ADGRB3: variants seen among roughly 807,000 people sequenced by gnomAD.
The protein encoded by ADGRB3 is brain-specific angiogenesis inhibitor 3.
ADGRB3 carries 37 observed loss-of-function variants against 193.4 expected under a neutral mutation model. The ratio of observed to expected loss-of-function variants is 0.19; its 90% confidence interval spans 0.15 to 0.25. The LOEUF is 0.25. Among genes scored for constraint, ADGRB3 ranks in the 10% least tolerant of loss-of-function variants. The probability of loss-of-function intolerance (pLI) is 1.00; values close to 1 mark genes in which losing one functional copy is unlikely to be tolerated. For synonymous variants in ADGRB3, 690 were observed against 644.2 expected (o/e 1.07, Z -1.08); for missense variants, 1,637 against 1,852.9 (o/e 0.88, Z 2.14).
chr6:68,662,029 G>A (rs1357735355), intron 3 of ADGRB3, among the ~76,000 whole-genome samples: 1 of 151,464 alleles, frequency 6.6e-6, no homozygotes, highest in Non-Finnish European at 1.5e-5. Flanking sequence ...TTTGATGATT[G>A]TGATATTGGC....
chr6:68,972,629 G>T (rs780966979), intron 8 of ADGRB3, among the ~76,000 whole-genome samples: 1 of 149,668 alleles, frequency 6.7e-6, no homozygotes, highest in Non-Finnish European at 1.5e-5. Context: ...CTCGTAGGTG[G>T]TTGGGAGAGA....
intron 3 of ADGRB3, among the ~76,000 whole-genome samples, chr6:68,893,431 T>G (rs1166589912): frequency 1.3e-5 from 2 of 151,672 alleles, no homozygotes; most frequent in African/African-American, 2.4e-5. Flanking sequence ...TAAAAAGAAT[T>G]ATATATGAAA....
rs753511956 is a variant in ADGRB3, at chr6:69,297,410, CTA to C, written c.2815-27446_2815-27445del. 5.8e-3 allele frequency among the ~76,000 whole-genome samples: 745 copies of C among 128,178 alleles called. 1 individual carries two copies. Among genetic ancestry groups the C allele is most frequent in the Non-Finnish European group, 7.9e-3 (480 of 60,950 alleles). 84.1% of individuals were successfully genotyped at this position (128,178 alleles called of 152,430 possible). A position where few individuals can be genotyped will look rare whatever the true frequency, so the allele number is the denominator to read the frequency against. ...TCTCTCTATCTCTCTCTCTCTCTCT[CTA>C]TATATATATATATATGCTTTGAGGA... On this transcript the variant is annotated intron_variant, in intron 20 of 31. Coordinates refer to ENST00000370598, the MANE Select transcript of ADGRB3 (RefSeq NM_001704.3).
rs114532658 is a variant in ADGRB3, at chr6:68,715,560, A to T, written c.757+76128A>T. Among the ~76,000 whole-genome samples, 426 of 151,846 alleles carry T rather than the reference A, an allele frequency of 2.8e-3. 2 individuals are homozygous for T. The highest frequency in any genetic ancestry group is 9.6e-3 in the African/African-American group (398 of 41,482). ...CAAGGTTTTTCTCATTGCCTAGCTC[A>T]TTCTCCCACTAATCTTCCATGATAT... On this transcript the variant is annotated intron_variant, in intron 3 of 31. Transcript: ENST00000370598.
intron 3 of ADGRB3, among the ~76,000 whole-genome samples, chr6:68,791,052 A>C (rs1186160483): frequency 5.3e-5 from 8 of 151,296 alleles, no homozygotes; most frequent in Non-Finnish European, 4.4e-5. Flanking sequence ...CATCTCTTAA[A>C]AAAAAAAAAA....
intron 13 of ADGRB3, 48 bp downstream of exon 13, chr6:69,018,547 T>G (rs1770164496): frequency 7.7e-7 from 1 of 1,296,350 alleles, no homozygotes; most frequent in Admixed American, 1.8e-5. Context: ...TAAAAAAAAA[T>G]TGCAAGTATC....
intron 20 of ADGRB3, among the ~76,000 whole-genome samples, chr6:69,243,214 T>TA (rs958980145): frequency 6.6e-6 from 1 of 151,614 alleles, no homozygotes; most frequent in Admixed American, 6.6e-5. Flanking sequence ...TACCAGGTTA[T>TA]AAAAAAAAGC....
chr6:68,786,901 A>G (rs938802157), intron 3 of ADGRB3, among the ~76,000 whole-genome samples: 202 of 151,908 alleles, frequency 1.3e-3, no homozygotes, highest in African/African-American at 4.7e-3. Flanking sequence ...TAGGTATTTT[A>G]TTCTCTTTGA....
At chr6:68,935,819 T>C (rs1767473108) in intron 4 of ADGRB3, among the ~76,000 whole-genome samples, 1 of 152,126 alleles carries the variant, frequency 6.6e-6, no homozygotes, top group Non-Finnish European at 1.5e-5. Context: ...AGAACTCCAT[T>C]TTAAATAAAT....
At position 68,968,923 on chromosome 6, in the gene ADGRB3, C is replaced by A. The variant is rs189871613; in HGVS notation, c.1526-5840C>A. Among the ~76,000 whole-genome samples, 4 of 152,250 alleles carry A rather than the reference C, an allele frequency of 2.6e-5. No homozygotes were observed. In the East Asian group the frequency reaches 7.7e-4, roughly 29 times the overall value. On this transcript the variant is annotated intron_variant, in intron 8 of 31. Transcript: ENST00000370598. The stretch of plus-strand genomic sequence containing the variant: ...CAAATAAAATCCAAAATTCACTTCT[C>A]AATTGCACTAGCCACATTTTCCTAG...
At chr6:69,159,745 A>G (rs7766018) in intron 17 of ADGRB3, among the ~76,000 whole-genome samples, 21,798 of 152,150 alleles carry the variant, frequency 0.14, 1,605 homozygotes, top group Middle Eastern at 0.16. Context: ...ATGACTCTCC[A>G]ATTAATATCT....
chr6:69,001,550 C>G (rs2150279119), intron 11 of ADGRB3, among the ~76,000 whole-genome samples: 2 of 151,654 alleles, frequency 1.3e-5, no homozygotes, highest in South Asian at 2.1e-4. Flanking sequence ...ATGGCAGTGA[C>G]CTAGATATGA....
At chr6:68,732,736 A>G (rs1396393280) in intron 3 of ADGRB3, among the ~76,000 whole-genome samples, 4 of 151,950 alleles carry the variant, frequency 2.6e-5, no homozygotes, top group Admixed American at 1.3e-4. Context: ...GCAGACTCCT[A>G]TCATGATATT....
chr6:69,384,542 A>G (rs1410024209), intron 31 of ADGRB3, among the ~76,000 whole-genome samples: 1 of 152,094 alleles, frequency 6.6e-6, no homozygotes, highest in Admixed American at 6.6e-5. Flanking sequence ...ACAGCTGGCT[A>G]ACTGCTATAA....
intron 3 of ADGRB3, among the ~76,000 whole-genome samples, chr6:68,925,008 A>C (rs1767141452): frequency 6.6e-6 from 1 of 151,860 alleles, no homozygotes; most frequent in Non-Finnish European, 1.5e-5. Flanking sequence ...GGGGAAATGA[A>C]ATTAGTATAT....
At chr6:69,189,786 C>A (rs942397744) in intron 17 of ADGRB3, among the ~76,000 whole-genome samples, 18 of 152,078 alleles carry the variant, frequency 1.2e-4, no homozygotes, top group Admixed American at 1.0e-3. Flanking sequence ...TGTCATCTAA[C>A]CTTGTTTAAG....
intron 17 of ADGRB3, among the ~76,000 whole-genome samples, chr6:69,160,254 C>T (rs1036388175): frequency 6.6e-6 from 1 of 152,234 alleles, no homozygotes. Context: ...CAGAGAAAAA[C>T]TTACATTCCT....
intron 3 of ADGRB3, among the ~76,000 whole-genome samples, chr6:68,679,240 T>C (rs753233329): frequency 1.6e-4 from 24 of 152,150 alleles, no homozygotes; most frequent in Non-Finnish European, 2.4e-4. Flanking sequence ...CTGAACACAA[T>C]AGAACTTTAT....
chr6:69,341,364 C>A (rs538672160), intron 26 of ADGRB3, among the ~76,000 whole-genome samples: 1 of 151,958 alleles, frequency 6.6e-6, no homozygotes, highest in Non-Finnish European at 1.5e-5. Context: ...CTCTAATGAC[C>A]AGTGATGATG....
Sources: gnomAD v4.1 joint callset for allele counts (sites outside exome capture counted in the v4.1 genomes callset) on GRCh38, gnomAD v4.1.1 for gene constraint, MANE v1.5 for transcripts, NCBI Gene and HGNC (gene_info 2026-07-23, HGNC 2026-07-21) for gene names.